SYT1: variants seen among roughly 807,000 people sequenced by gnomAD.
The protein encoded by SYT1 is synaptotagmin 1.
A neutral mutation model predicts 44.8 loss-of-function variants in SYT1; 8 were observed. That is an observed-to-expected ratio of 0.18 (90% confidence interval 0.10 to 0.32). The LOEUF is 0.32. Ranked by LOEUF, SYT1 falls within the 10% of genes least tolerant of loss-of-function variation. The probability of loss-of-function intolerance (pLI) is 1.00; values close to 1 mark genes in which losing one functional copy is unlikely to be tolerated. For synonymous variants in SYT1, 154 were observed against 188.8 expected (o/e 0.82, Z 1.51); for missense variants, 286 against 509.3 (o/e 0.56, Z 4.22).
chr12:79,138,089 C>G (rs545518764), intron 3 of SYT1, among the ~76,000 whole-genome samples: 1 of 152,248 alleles, frequency 6.6e-6, no homozygotes, highest in East Asian at 1.9e-4. Context: ...TATTGATTTC[C>G]CTGATCTTGC....
intron 3 of SYT1, among the ~76,000 whole-genome samples, chr12:79,193,323 G>A (rs908899976): frequency 6.6e-6 from 1 of 152,016 alleles, no homozygotes; most frequent in Non-Finnish European, 1.5e-5. Flanking sequence ...AATTTTGACT[G>A]GGCTGGCTCA....
chr12:79,132,530 C>T (rs548478459), intron 3 of SYT1, among the ~76,000 whole-genome samples: 3 of 151,324 alleles, frequency 2.0e-5, no homozygotes, highest in South Asian at 2.1e-4. Context: ...AAGTAAAAGC[C>T]GCAATAAAAT....
At chr12:79,048,698 T>C (rs1488433830) in intron 3 of SYT1, among the ~76,000 whole-genome samples, 4 of 151,962 alleles carry the variant, frequency 2.6e-5, no homozygotes, top group African/African-American at 9.6e-5. Context: ...TTTTGAGTAT[T>C]CAGAGCAGGT....
chr12:79,046,514 A>G (rs1874070332), intron 2 of SYT1: 1 of 152,162 alleles, frequency 6.6e-6, no homozygotes, highest in Non-Finnish European at 1.5e-5. Context: ...AAACCAAATC[A>G]GAAATTCCTG....
At chr12:78,931,136 T>A (rs144660119) in intron 1 of SYT1, among the ~76,000 whole-genome samples, 47 of 140,344 alleles carry the variant, frequency 3.3e-4, no homozygotes, top group South Asian at 2.5e-3. Flanking sequence ...CACTCCAGTC[T>A]GGGCAGCAAG....
At chr12:78,948,622 G>A (rs1393004441) in intron 1 of SYT1, among the ~76,000 whole-genome samples, 2 of 151,880 alleles carry the variant, frequency 1.3e-5, no homozygotes, top group Admixed American at 1.3e-4. Context: ...TGGATTATGT[G>A]AATTTTATTA....
chr12:78,914,725 T>C (rs1398005165), intron 1 of SYT1, among the ~76,000 whole-genome samples: 4 of 152,056 alleles, frequency 2.6e-5, no homozygotes, highest in Non-Finnish European at 4.4e-5. Context: ...GCTTAAGTGC[T>C]ATATTAGGAA....
At chr12:79,233,109 C>T (rs917837682) in intron 4 of SYT1, among the ~76,000 whole-genome samples, 2 of 152,066 alleles carry the variant, frequency 1.3e-5, no homozygotes, top group South Asian at 2.1e-4. Flanking sequence ...CTACCTGTCT[C>T]GTGGCAGCCC....
rs374941132 is a variant in SYT1 at position 78,951,967 on chromosome 12, A to T, written c.-216-25832A>T. On this transcript the variant is annotated intron_variant, in intron 1 of 10. Transcript: ENST00000261205. ...CTCCACTAATTAGCTTAGTCGGCAT[A>T]GCATCTGGTAACTGGTTGGTGGGAT... 2.6e-5 allele frequency among the ~76,000 whole-genome samples: 4 copies of T among 152,140 alleles called. No homozygotes were observed. The East Asian group carries it at 5.8e-4, about 22-fold the overall frequency.
At chr12:79,012,659 A>C (rs912671399) in intron 2 of SYT1, among the ~76,000 whole-genome samples, 12 of 152,102 alleles carry the variant, frequency 7.9e-5, no homozygotes, top group African/African-American at 2.7e-4. Flanking sequence ...GGGAAAATTT[A>C]TTATAATATT....
intron 1 of SYT1, among the ~76,000 whole-genome samples, chr12:78,938,088 GC>G (rs1219534010): frequency 6.6e-6 from 1 of 151,180 alleles, no homozygotes; most frequent in Non-Finnish European, 1.5e-5. Flanking sequence ...TACAACTAGG[GC>G]TAAAAATAAT....
In SYT1 at chr12:78,920,035, A is replaced by G. The variant is rs186499335; in HGVS notation, c.-217+54926A>G. On this transcript the variant is annotated intron_variant, in intron 1 of 10. Transcript: ENST00000261205. ...GTATCATTGGGCTATTTTTTTTTCA[A>G]AGAGCTATGGAATTTAGTCTTTTTG... Among the ~76,000 whole-genome samples, 302 of 151,794 alleles carry G rather than the reference A, an allele frequency of 2.0e-3. 2 individuals are homozygous for G. The highest frequency in any genetic ancestry group is 6.9e-3 in the African/African-American group (288 of 41,440).
At chr12:78,946,110 A>G (rs148581215) in intron 1 of SYT1, among the ~76,000 whole-genome samples, 1,713 of 152,334 alleles carry the variant, frequency 0.011, 12 homozygotes, top group Admixed American at 0.026. Flanking sequence ...TATATATTAG[A>G]GAATTCTTAA....
chr12:79,159,423 A>C (rs1300634812), intron 3 of SYT1, among the ~76,000 whole-genome samples: 1 of 152,198 alleles, frequency 6.6e-6, no homozygotes. Flanking sequence ...CCAAGGTTTC[A>C]GTTACCTGTG....
At chr12:79,264,841 T>G (rs1235956601) in intron 4 of SYT1, among the ~76,000 whole-genome samples, 2 of 152,328 alleles carry the variant, frequency 1.3e-5, no homozygotes, top group East Asian at 3.9e-4. Flanking sequence ...CTCCCCAAAG[T>G]TTGATTTACT....
intron 2 of SYT1, among the ~76,000 whole-genome samples, chr12:79,030,115 A>G (rs1278526331): frequency 1.3e-5 from 2 of 151,172 alleles, no homozygotes; most frequent in Non-Finnish European, 3.0e-5. Flanking sequence ...TTGCCTTACA[A>G]TATTTTATTT....
intron 3 of SYT1, among the ~76,000 whole-genome samples, chr12:79,057,253 T>C (rs764338961): frequency 2.6e-5 from 4 of 152,056 alleles, no homozygotes; most frequent in Non-Finnish European, 5.9e-5. Flanking sequence ...ATGGTTAATA[T>C]GAATTGCTTA....
chr12:79,078,664 G>A (rs545634494), intron 3 of SYT1, among the ~76,000 whole-genome samples: 11 of 151,990 alleles, frequency 7.2e-5, no homozygotes, highest in African/African-American at 2.7e-4. Flanking sequence ...GCCTCCATTA[G>A]CTATTCTTCC....
chr12:79,200,282 A>G (rs1246825741), intron 3 of SYT1, among the ~76,000 whole-genome samples: 2 of 152,136 alleles, frequency 1.3e-5, no homozygotes, highest in African/African-American at 4.8e-5. Flanking sequence ...CAGAGAGAGG[A>G]GCCATTTTCC....
Sources: allele counts gnomAD v4.1 joint callset (sites outside exome capture counted in the v4.1 genomes callset), GRCh38; gene constraint gnomAD v4.1.1; transcripts MANE v1.5; gene names NCBI Gene and HGNC (gene_info 2026-07-23, HGNC 2026-07-21).